The following NCKAP5 variants were observed in gnomAD, a reference collection of about 807,000 sequenced individuals.
NCKAP5 encodes NCK associated protein 5.
A neutral mutation model predicts 167.0 loss-of-function variants in NCKAP5; 92 were observed. The observed-to-expected ratio is 0.55, with a 90% CI of 0.47 to 0.66. The LOEUF (loss-of-function observed/expected upper bound fraction) is 0.66, where lower values mean the gene tolerates loss of function less well. Among genes scored for constraint, NCKAP5 ranks in the 30% least tolerant of loss-of-function variants. NCKAP5 has a pLI of 0.00. For synonymous variants in NCKAP5, 891 were observed against 877.4 expected (o/e 1.02, Z -0.27); for missense variants, 2,378 against 2,315.0 (o/e 1.03, Z -0.56).
chr2:132,852,204 A>G (rs892953608), intron 11 of NCKAP5, among the ~76,000 whole-genome samples: 1 of 152,196 alleles, frequency 6.6e-6, no homozygotes, highest in African/African-American at 2.4e-5. Flanking sequence ...ACTGCACAAA[A>G]TTTACTAAAT....
chr2:132,773,729 A>G (rs1682294594), intron 16 of NCKAP5, 87 bp downstream of exon 16: 1 of 1,053,836 alleles, frequency 9.5e-7, no homozygotes, highest in Non-Finnish European at 1.4e-6. Flanking sequence ...ATAGAGGGAC[A>G]TGGTCTCTAG....
At chr2:133,253,751 A>AG (rs1258878102) in intron 4 of NCKAP5, among the ~76,000 whole-genome samples, 1 of 152,212 alleles carries the variant, frequency 6.6e-6, no homozygotes, top group East Asian at 1.9e-4. Flanking sequence ...TATTTTAGTG[A>AG]GAAAAAAAGG....
In NCKAP5 at chr2:133,290,836, C is replaced by T. The variant is rs563312703; in HGVS notation, c.143+12201G>A. 4.3e-4 allele frequency among the ~76,000 whole-genome samples: 65 copies of T among 151,208 alleles called. 1 individual carries two copies. In the South Asian group the frequency reaches 0.013, roughly 31 times the overall value. ...TGGCAGGAACAAAGCTCACTGCAGC[C>T]TCAGAGTCCTGGACTCAAACCATAC... is the stretch of plus-strand genomic sequence containing the variant. On this transcript the variant is annotated intron_variant, in intron 4 of 19. Transcript: ENST00000409261.
chr2:132,925,500 T>G (rs562903627), intron 8 of NCKAP5, among the ~76,000 whole-genome samples: 1 of 148,072 alleles, frequency 6.8e-6, no homozygotes, highest in South Asian at 2.1e-4. Flanking sequence ...AGGCGGAGTT[T>G]GCAGTAATCC....
At chr2:133,460,081 T>C (rs1161449642) in intron 3 of NCKAP5, among the ~76,000 whole-genome samples, 1 of 152,230 alleles carries the variant, frequency 6.6e-6, no homozygotes, top group Non-Finnish European at 1.5e-5. Flanking sequence ...CTTAGTTTTA[T>C]GATTTTAAAT....
Position 132,784,673 on chromosome 2 carries a change from A to G in NCKAP5, c.2138T>C (p.Leu713Ser), listed in dbSNP as rs1482347738. 2.5e-6 allele frequency: 4 copies of G among 1,613,894 alleles called. No homozygotes were observed. In the African/African-American group the frequency reaches 5.3e-5, roughly 22 times the overall value. ...AGPKAEHTEL[L>S]PQGIACLQPR... ...CTGTAAACAAGCAATTCCCTGAGGT[A>G]AAAGCTCAGTATGTTCTGCCTTGGG... is the stretch of plus-strand genomic sequence containing the variant. Residue 713 changes from leucine (L) to serine (S), a missense_variant, in exon 14 of 20, where the codon TTA (leucine) becomes TCA (serine). Leu to Ser is a moderately radical substitution (Grantham distance 145). Around this residue, in one of 3 missense-constraint regions of NCKAP5, gnomAD observed 1,049 missense variants for 1,023.4 expected, o/e 1.02. Coordinates refer to ENST00000409261, the MANE Select transcript of NCKAP5 (RefSeq NM_207363.3).
chr2:132,971,692 T>C (rs1251886172), intron 7 of NCKAP5, among the ~76,000 whole-genome samples: 1 of 152,226 alleles, frequency 6.6e-6, no homozygotes, highest in Non-Finnish European at 1.5e-5. Context: ...TCCATAATTC[T>C]GATTCTTCAG....
At chr2:133,508,622 C>A (rs1246246982) in intron 3 of NCKAP5, among the ~76,000 whole-genome samples, 1 of 152,168 alleles carries the variant, frequency 6.6e-6, no homozygotes. Context: ...GGTTTGGGAC[C>A]AGCTTCTAAG....
rs186953699 is a variant in NCKAP5, at chr2:132,900,632, T to C, written c.580-21716A>G. On this transcript the variant is annotated intron_variant, in intron 8 of 19. Coordinates refer to ENST00000409261, the MANE Select transcript of NCKAP5 (RefSeq NM_207363.3). ...AGGTATCAAGTCCAACCACATAATT[T>C]TATAGAGTATGAAAACTGTTATGAA... 3.3e-5 allele frequency among the ~76,000 whole-genome samples: 5 copies of C among 152,258 alleles called. No homozygotes were observed. In the East Asian group the frequency reaches 9.7e-4, roughly 29 times the overall value.
At position 133,006,965 on chromosome 2, in the gene NCKAP5, G is replaced by T. The variant is rs566992727; in HGVS notation, c.342-12726C>A. On this transcript the variant is annotated intron_variant, in intron 6 of 19. Transcript: ENST00000409261. ...ATGCTTCTTGTGACACTTGTTCCAT[G>T]ATATTTCAGAGTAGCTTCTCTTAAA... Among the ~76,000 whole-genome samples, 7 of 152,264 alleles carry T rather than the reference G, an allele frequency of 4.6e-5. No individual in the cohort carries two copies. In the South Asian group the frequency reaches 1.5e-3, roughly 32 times the overall value.
At chr2:132,873,003 G>C (rs1690950664) in intron 9 of NCKAP5, among the ~76,000 whole-genome samples, 1 of 152,160 alleles carries the variant, frequency 6.6e-6, no homozygotes, top group Non-Finnish European at 1.5e-5. Context: ...ACCTAGGACA[G>C]GACTTGATAT....
At chr2:132,905,429 T>C (rs565256297) in intron 8 of NCKAP5, among the ~76,000 whole-genome samples, 6 of 152,348 alleles carry the variant, frequency 3.9e-5, no homozygotes, top group African/African-American at 1.4e-4. Flanking sequence ...GAAACATTTC[T>C]TGGCTTGTTT....
chr2:133,092,578 TA>T (rs1435712609), intron 6 of NCKAP5, among the ~76,000 whole-genome samples: 1 of 150,260 alleles, frequency 6.7e-6, no homozygotes, highest in Non-Finnish European at 1.5e-5. Flanking sequence ...CAGCAAGTCC[TA>T]AAATAACATA....
intron 6 of NCKAP5, among the ~76,000 whole-genome samples, chr2:133,116,487 CAAAAAAAAAA>C (rs1176731938): frequency 0.038 from 267 of 7,112 alleles, 6 homozygotes; most frequent in African/African-American, 0.17. Context: ...GACTCCGTCT[CAAAAAAAAAA>C]AAAAAAAAAA....
At chr2:132,723,460 C>A (rs1690151273) in intron 19 of NCKAP5, among the ~76,000 whole-genome samples, 1 of 152,100 alleles carries the variant, frequency 6.6e-6, no homozygotes, top group South Asian at 2.1e-4. Context: ...CCGCGCCCGG[C>A]CATTAGGTGG....
intron 4 of NCKAP5, among the ~76,000 whole-genome samples, chr2:133,261,714 T>C (rs1389141331): frequency 6.6e-6 from 1 of 152,224 alleles, no homozygotes; most frequent in East Asian, 1.9e-4. Flanking sequence ...GTTTATCTCA[T>C]GAACTGACCT....
the NCKAP5 span, among the ~76,000 whole-genome samples, chr2:133,594,163 G>C: frequency 3.3e-5 from 5 of 152,226 alleles, no homozygotes; most frequent in African/African-American, 1.2e-4. Context: ...ATGAATTCAG[G>C]AGAGGCCATC....
intron 2 of NCKAP5, among the ~76,000 whole-genome samples, chr2:133,552,569 G>A (rs1687414786): frequency 7.4e-6 from 1 of 135,610 alleles, no homozygotes; most frequent in South Asian, 2.7e-4. Context: ...CACAGGAAGG[G>A]GAATATCACA....
rs532867845 is a variant in NCKAP5, at chr2:133,489,966, T to C, written c.69+27492A>G. On this transcript the variant is annotated intron_variant, in intron 3 of 19. Transcript: ENST00000409261. ...CTAGCTGGGCTCTAAAGGGGAGATT[T>C]CCAGGGCACCAGGCAAAGGTGGTTG... 4.6e-5 allele frequency among the ~76,000 whole-genome samples: 7 copies of C among 152,276 alleles called. No homozygotes were observed. In the East Asian group the frequency reaches 9.6e-4, roughly 21 times the overall value.
Sources: allele counts gnomAD v4.1 joint callset (sites outside exome capture counted in the v4.1 genomes callset), GRCh38; gene constraint gnomAD v4.1.1; regional missense constraint gnomAD v4.1.1; transcripts MANE v1.5; gene names NCBI Gene and HGNC (gene_info 2026-07-23, HGNC 2026-07-21).